ZMAT4: variants seen among roughly 807,000 people sequenced by gnomAD.
ZMAT4 encodes the protein zinc finger matrin-type 4, also known as zinc finger matrin-type protein 4.
Under a neutral mutation model 28.7 loss-of-function variants are expected in ZMAT4, and 17 were observed. The ratio of observed to expected loss-of-function variants is 0.59; its 90% confidence interval spans 0.41 to 0.89. ZMAT4 has a LOEUF of 0.89. Among genes scored for constraint, ZMAT4 ranks in the 40% least tolerant of loss-of-function variants. ZMAT4 has a pLI of 0.00. For synonymous variants in ZMAT4, 117 were observed against 109.2 expected, an observed-to-expected ratio of 1.07 and a Z score of -0.44; for missense variants, 240 against 283.8, an observed-to-expected ratio of 0.85 and a Z score of 1.11.
intron 5 of ZMAT4, among the ~76,000 whole-genome samples, chr8:40,625,453 T>C (rs1186925660): frequency 6.6e-6 from 1 of 152,010 alleles, no homozygotes; most frequent in Non-Finnish European, 1.5e-5. Context: ...GGGAGAAGGT[T>C]GAAGGGGCTT....
chr8:40,636,217 C>A, intron 5 of ZMAT4, among the ~76,000 whole-genome samples: 1 of 152,254 alleles, frequency 6.6e-6, no homozygotes, highest in South Asian at 2.1e-4. Flanking sequence ...CATATACATA[C>A]ACACACACAG....
At chr8:40,852,789 T>C (rs1817159230) in intron 1 of ZMAT4, among the ~76,000 whole-genome samples, 1 of 152,152 alleles carries the variant, frequency 6.6e-6, no homozygotes, top group Non-Finnish European at 1.5e-5. Context: ...TTCCAAATGT[T>C]GATACATTTC....
intron 4 of ZMAT4, among the ~76,000 whole-genome samples, chr8:40,688,314 A>C (rs1809508454): frequency 6.6e-6 from 1 of 151,800 alleles, no homozygotes; most frequent in South Asian, 2.1e-4. Context: ...AAATTAGCTG[A>C]GTGTATTGGC....
chr8:40,780,452 C>A (rs1813783621), intron 2 of ZMAT4, among the ~76,000 whole-genome samples: 1 of 152,200 alleles, frequency 6.6e-6, no homozygotes, highest in African/African-American at 2.4e-5. Flanking sequence ...TCTGCACTTC[C>A]AGAAAGAACC....
intron 2 of ZMAT4, among the ~76,000 whole-genome samples, chr8:40,796,415 T>A (rs1814602902): frequency 6.6e-6 from 1 of 152,190 alleles, no homozygotes; most frequent in African/African-American, 2.4e-5. Flanking sequence ...GGGTGCTTCT[T>A]TTTGTGTATT....
intron 1 of ZMAT4, among the ~76,000 whole-genome samples, chr8:40,881,433 G>GAGAAAGAA (rs35018481): frequency 0.1 from 7,262 of 70,130 alleles, 560 homozygotes; most frequent in East Asian, 0.12. Context: ...AGAAGAAAGA[G>GAGAAAGAA]AGAAAGAAAG....
At chr8:40,586,776 T>A (rs1196458980) in intron 5 of ZMAT4, among the ~76,000 whole-genome samples, 4 of 152,154 alleles carry the variant, frequency 2.6e-5, no homozygotes, top group Admixed American at 2.6e-4. Context: ...ATGCTATGAA[T>A]ATGGGAGAGA....
At chr8:40,873,730 C>G (rs1817943052) in intron 1 of ZMAT4, among the ~76,000 whole-genome samples, 1 of 152,148 alleles carries the variant, frequency 6.6e-6, no homozygotes, top group African/African-American at 2.4e-5. Context: ...ACAAAGTAGT[C>G]CCAGAGGATC....
At chr8:40,647,714 C>T (rs546079818) in intron 5 of ZMAT4, among the ~76,000 whole-genome samples, 15 of 152,248 alleles carry the variant, frequency 9.9e-5, no homozygotes, top group African/African-American at 2.4e-4. Flanking sequence ...TCTCCCAGCA[C>T]GCAGCTGGAG....
rs1034414401 is a variant in ZMAT4 at position 40,870,527 on chromosome 8, G to A, written c.-5+27156C>T. The stretch of plus-strand genomic sequence containing the variant: ...AAATTAAGAAGTCTGATTAATTCTA[G>A]AAGAGAAGATTATCCTTCCCTAGAA... On this transcript the variant is annotated intron_variant, in intron 1 of 6. Coordinates refer to ENST00000297737, the MANE Select transcript of ZMAT4 (RefSeq NM_024645.3). 5.3e-5 allele frequency among the ~76,000 whole-genome samples: 8 copies of A among 152,294 alleles called. 1 individual carries two copies. In the South Asian group the frequency reaches 1.7e-3, roughly 32 times the overall value.
In ZMAT4 at chr8:40,537,513, C is replaced by T. The variant is rs538178356; in HGVS notation, c.675-5275G>A. The stretch of plus-strand genomic sequence containing the variant: ...TATACACTAGCAAAATTGATAAGAA[C>T]GATTTGTAATTGACTTACCAAAACA... On this transcript the variant is annotated intron_variant, in intron 6 of 6. Transcript: ENST00000297737. Among the ~76,000 whole-genome samples the T allele has an allele frequency of 2.6e-4, 40 of 152,184 alleles. No homozygotes were observed. The East Asian group carries it at 4.6e-3, about 18-fold the overall frequency.
intron 3 of ZMAT4, among the ~76,000 whole-genome samples, chr8:40,765,813 A>ACCCCATTG (rs1813135732): frequency 6.6e-6 from 1 of 152,126 alleles, no homozygotes. Context: ...GTGGCTGTGA[A>ACCCCATTG]CCCCATTGTC....
At chr8:40,684,322 A>T (rs1228464757) in intron 4 of ZMAT4, among the ~76,000 whole-genome samples, 2 of 152,196 alleles carry the variant, frequency 1.3e-5, no homozygotes, top group East Asian at 3.9e-4. Flanking sequence ...ACGTCCTTTC[A>T]TCGTAAACCT....
At chr8:40,891,524 C>T (rs1267406170) in intron 1 of ZMAT4, among the ~76,000 whole-genome samples, 1 of 152,104 alleles carries the variant, frequency 6.6e-6, no homozygotes, top group Non-Finnish European at 1.5e-5. Context: ...GGGCTCCCTG[C>T]CTGGCCCACC....
rs182714241 is a variant in ZMAT4, at chr8:40,851,018, T to C, written c.-4-25338A>G. On this transcript the variant is annotated intron_variant, in intron 1 of 6. Coordinates refer to ENST00000297737, the MANE Select transcript of ZMAT4 (RefSeq NM_024645.3). ...AACCATTACATGTTAATATATGTAA[T>C]ATATGTCTATAAGTTAACTATATTT... Among the ~76,000 whole-genome samples, 11 of 152,338 alleles carry C rather than the reference T, an allele frequency of 7.2e-5. No individual in the cohort carries two copies. The East Asian group carries it at 2.1e-3, about 29-fold the overall frequency.
At chr8:40,828,060 G>T (rs1219844156) in intron 1 of ZMAT4, among the ~76,000 whole-genome samples, 1 of 152,138 alleles carries the variant, frequency 6.6e-6, no homozygotes, top group Non-Finnish European at 1.5e-5. Flanking sequence ...TCAAAAGCAA[G>T]ACCAAGAACA....
chr8:40,846,809 G>A (rs1330044354), intron 1 of ZMAT4, among the ~76,000 whole-genome samples: 3 of 152,148 alleles, frequency 2.0e-5, no homozygotes, highest in Non-Finnish European at 4.4e-5. Flanking sequence ...AACGGCAGGA[G>A]GAGTTCAGGT....
At position 40,651,525 on chromosome 8, in the gene ZMAT4, G is replaced by A. The variant is rs369894186; in HGVS notation, c.577+23179C>T. ...GCCCAAGGTAATTTACAGATTCAAT[G>A]CCATCCCCATCAAGCTACCAATGCC... On this transcript the variant is annotated intron_variant, in intron 5 of 6. Coordinates refer to ENST00000297737, the MANE Select transcript of ZMAT4 (RefSeq NM_024645.3). Among the ~76,000 whole-genome samples the A allele has an allele frequency of 4.7e-5, 7 of 149,396 alleles. No individual in the cohort carries two copies. The East Asian group carries it at 1.4e-3, about 30-fold the overall frequency.
intron 5 of ZMAT4, among the ~76,000 whole-genome samples, chr8:40,669,800 G>A (rs1291349761): frequency 6.6e-6 from 1 of 152,082 alleles, no homozygotes; most frequent in African/African-American, 2.4e-5. Context: ...TGGTGCCCCT[G>A]ATCCTTGTGT....
Sources: gnomAD v4.1 joint callset for allele counts (sites outside exome capture counted in the v4.1 genomes callset) on GRCh38, gnomAD v4.1.1 for gene constraint, MANE v1.5 for transcripts, NCBI Gene and HGNC (gene_info 2026-07-23, HGNC 2026-07-21) for gene names.